Variants in NOTCH3 observed in about 807,000 individuals in gnomAD.
NOTCH3 encodes neurogenic locus notch homolog protein 3.
Under a neutral mutation model 213.3 loss-of-function variants are expected in NOTCH3, and 86 were observed. That is an observed-to-expected ratio of 0.40 (90% CI 0.34 to 0.48). The LOEUF (loss-of-function observed/expected upper bound fraction) is 0.48, where lower values mean the gene tolerates loss of function less well. Among genes scored for constraint, NOTCH3 ranks in the 20% least tolerant of loss-of-function variants. The pLI, the probability that NOTCH3 is intolerant of heterozygous loss-of-function variation, is 0.57. For missense variants in NOTCH3, 2,783 were observed against 3,272.6 expected, an observed-to-expected ratio of 0.85 and a Z score of 3.65; for synonymous variants, 1,354 against 1,355.9, an observed-to-expected ratio of 1.00 and a Z score of 0.03.
intron 24 of NOTCH3, among the ~76,000 whole-genome samples, chr19:15,175,305 TAC>T: frequency 7.0e-6 from 1 of 143,232 alleles, no homozygotes; most frequent in Admixed American, 6.9e-5. Flanking sequence ...GGCCAAGGTG[TAC>T]GGATAACCTG....
At chr19:15,176,664 G>A (rs1365510989) in intron 24 of NOTCH3, among the ~76,000 whole-genome samples, 1 of 149,812 alleles carries the variant, frequency 6.7e-6, no homozygotes, top group Non-Finnish European at 1.5e-5. Flanking sequence ...TAGGGAGGCT[G>A]AGGTGTGAGG....
At position 15,179,680 on chromosome 19, in the gene NOTCH3, G is replaced by A. The variant is rs141487988; in HGVS notation, c.3328-184C>T. On this transcript the variant is annotated intron_variant, in intron 20 of 32. Transcript: ENST00000263388. ...GCAGATCACCTGAGATCAGGAGTTC[G>A]AGACCAGCCTGGCCAACATGGTGAA... 6.5e-3 allele frequency: 4,322 copies of A among 662,904 alleles called. 23 individuals carry two copies. Among genetic ancestry groups the A allele is most frequent in the Middle Eastern group, 0.018 (49 of 2,778 alleles). 41.1% of individuals were successfully genotyped at this position (662,904 alleles called of 1,614,324 possible).
intron 20 of NOTCH3, 71 bp from the exon 21 acceptor site, chr19:15,179,567 A>G (rs1351738288): frequency 5.2e-6 from 8 of 1,532,418 alleles, no homozygotes; most frequent in Non-Finnish European, 6.3e-6. Context: ...ACCCATGAAG[A>G]CGCAAAGAAC....
chr19:15,192,197 G>T lies in NOTCH3; in HGVS notation c.442C>A (p.Pro148Thr). The T allele has an allele frequency of 6.2e-7, 1 of 1,612,010 alleles. No homozygotes were observed. Among genetic ancestry groups the T allele is most frequent in the South Asian group, 1.1e-5 (1 of 90,958 alleles). Residue 148 changes from proline to threonine, a missense_variant, in exon 4 of 33, where the codon CCT (proline) becomes ACT (threonine). By Grantham distance (38) the Pro-to-Thr change is conservative (BLOSUM62 -1). This residue lies in a region of NOTCH3 where 708 missense variants were observed against 906.6 expected (regional missense o/e 0.78). Coordinates refer to ENST00000263388, the MANE Select transcript of NOTCH3 (RefSeq NM_000435.3). ...CGGCAGCTGCGGCCCTGGTAGCCAGGTGGGCAGGAGCAGAGGAAGCGTCCA... is the reference window on the plus strand; with the variant it reads ...CGGCAGCTGCGGCCCTGGTAGCCAGTTGGGCAGGAGCAGAGGAAGCGTCCA... ...PDGRFLCSCP[P>T]GYQGRSCRSD... is the part of the protein sequence containing the mutation.
At chr19:15,198,199 C>G (rs1015190851) in intron 1 of NOTCH3, among the ~76,000 whole-genome samples, 1 of 152,216 alleles carries the variant, frequency 6.6e-6, no homozygotes, top group African/African-American at 2.4e-5. Flanking sequence ...TGTCCAACAT[C>G]GCCATCCCTA....
chr19:15,168,809 G>A (rs1283857385), intron 28 of NOTCH3, among the ~76,000 whole-genome samples: 1 of 151,982 alleles, frequency 6.6e-6, no homozygotes, highest in Non-Finnish European at 1.5e-5. Context: ...ACTCCAGCTT[G>A]GGCAACAGAG....
intron 24 of NOTCH3, 59 bp downstream of exon 24, chr19:15,177,466 G>A (rs2046801121): frequency 3.3e-6 from 5 of 1,510,078 alleles, no homozygotes; most frequent in Admixed American, 1.9e-5. Context: ...CAGGGCCCAC[G>A]GACAAACAGA....
At chr19:15,174,582 T>C (rs953375932) in intron 24 of NOTCH3, among the ~76,000 whole-genome samples, 182 bp from the exon 25 acceptor site, 1 of 152,034 alleles carries the variant, frequency 6.6e-6, no homozygotes, top group East Asian at 1.9e-4. Flanking sequence ...TTTTTTTTTT[T>C]TTTTTTTGAG....
intron 29 of NOTCH3, among the ~76,000 whole-genome samples, chr19:15,166,471 T>G (rs11672004): frequency 6.6e-6 from 1 of 151,828 alleles, no homozygotes; most frequent in African/African-American, 2.4e-5. Context: ...GGTTAGGAGC[T>G]GCCCCTTTCT....
At chr19:15,197,647 CCCCT>C (rs1206459396) in intron 1 of NOTCH3, 69 bp from the exon 2 acceptor site, 39 of 1,378,270 alleles carry the variant, frequency 2.8e-5, no homozygotes, top group Non-Finnish European at 3.7e-5. Flanking sequence ...AGTGACAAAC[CCCCT>C]CCCTCCCTCC....
At chr19:15,175,121 A>G (rs891968931) in intron 24 of NOTCH3, among the ~76,000 whole-genome samples, 4 of 152,212 alleles carry the variant, frequency 2.6e-5, no homozygotes, top group African/African-American at 9.7e-5. Context: ...TGCAGGCACA[A>G]GGATAAGGCC....
rs2145402362 is a variant in NOTCH3 at position 15,170,835 on chromosome 19, C to A, written c.4737-10G>T. On this transcript the variant is annotated splice_polypyrimidine_tract_variant and intron_variant, in intron 25 of 32. Transcript: ENST00000263388. ...CAGCATTACTACCGAGCTGCAGGGACAGCAGGGAGGGACCAGAGGGCTCAA... is the reference window on the plus strand; with the variant it reads ...CAGCATTACTACCGAGCTGCAGGGAAAGCAGGGAGGGACCAGAGGGCTCAA... The A allele has an allele frequency of 8.7e-6, 14 of 1,612,934 alleles. No individual in the cohort carries two copies. The highest frequency in any genetic ancestry group is 1.2e-5 in the Non-Finnish European group (14 of 1,179,884).
intron 1 of NOTCH3, among the ~76,000 whole-genome samples, chr19:15,199,747 C>A (rs1024056330): frequency 6.6e-6 from 1 of 152,160 alleles, no homozygotes; most frequent in Admixed American, 6.5e-5. Flanking sequence ...CCTGCCTGGT[C>A]CTGCCCCGTC....
intron 19 of NOTCH3, 34 bp downstream of exon 19, chr19:15,180,647 G>A: frequency 1.3e-6 from 2 of 1,542,518 alleles, no homozygotes; most frequent in East Asian, 2.4e-5. Context: ...CCCTTCCCAA[G>A]GCCCCACACG....
In NOTCH3 at chr19:15,170,765, G is replaced by C; in HGVS notation, c.4797C>G (p.His1599Gln). The C allele has an allele frequency of 6.2e-7, 1 of 1,612,868 alleles. No individual in the cohort carries two copies. Among genetic ancestry groups the C allele is most frequent in the Non-Finnish European group, 8.5e-7 (1 of 1,179,700 alleles). The change falls in exon 26 of 33, where the codon CAC (histidine) becomes CAG (glutamine). Residue 1599 changes from histidine (H) to glutamine (Q), a missense_variant. By Grantham distance (24) the His-to-Gln change is conservative. Around this residue, in one of 6 missense-constraint regions of NOTCH3, gnomAD observed 636 missense variants for 801.8 expected, o/e 0.79. Coordinates refer to ENST00000263388, the MANE Select transcript of NOTCH3 (RefSeq NM_000435.3). The part of the protein sequence containing the change: ...RLCLQSPEND[H>Q]CFPDAQSAAD... ...CGGCGCTCTGGGCATCGGGGAAGCA[G>C]TGATCATTCTCAGGCGACTGCAGGC...
rs1220167247 is a variant in NOTCH3, at chr19:15,172,979, T to TTCC, written c.4736+1086_4736+1088dup. Among the ~76,000 whole-genome samples the TTCC allele has an allele frequency of 5.3e-3, 714 of 135,454 alleles. 41 individuals carry two copies. Among genetic ancestry groups the TTCC allele is most frequent in the African/African-American group, 0.021 (686 of 33,360 alleles). 88.9% of individuals were successfully genotyped at this position (135,454 alleles called of 152,430 possible). On this transcript the variant is annotated intron_variant, in intron 25 of 32. Coordinates refer to ENST00000263388, the MANE Select transcript of NOTCH3 (RefSeq NM_000435.3). ...TCCTATTTCTTTCTTCTTCTTCCTC[T>TTCC]TCCTCCTCCTCCTCCCCCTCCCCCT... is the stretch of plus-strand genomic sequence containing the variant.
Position 15,170,074 on chromosome 19 carries a change from G to A in NOTCH3, c.5199+12C>T, listed in dbSNP as rs749152224. The A allele has an allele frequency of 6.5e-7, 1 of 1,536,866 alleles. No homozygotes were observed. Among genetic ancestry groups the A allele is most frequent in the Non-Finnish European group, 8.9e-7 (1 of 1,123,878 alleles). On this transcript the variant is annotated intron_variant, in intron 28 of 32. Transcript: ENST00000263388. The stretch of plus-strand genomic sequence containing the variant: ...TCAGAGGAGGGGGCAAAGGTCAGAG[G>A]GGGGGCAGTACCTTTAGCCGCTTGG...
In NOTCH3 at chr19:15,165,449, G is replaced by A. The variant is rs1453838221; in HGVS notation, c.5734C>T (p.Leu1912=). The change falls in exon 31 of 33, where the codon CTG becomes TTG. Residue 1912 remains leucine, a synonymous_variant. Transcript: ENST00000263388. This position sits in a 1 kb window ranked among gnomAD's most constrained non-coding sequence, Gnocchi z 4.7. ...RMADGSTALI[L]AARLAVEGMV... ...CCCTCTACTGCCAGGCGGGCCGCCA[G>A]GATCAGTGCCGTTGAGCCATCTGCC... 1 of 1,612,634 alleles carries A rather than the reference G, an allele frequency of 6.2e-7. No homozygotes were observed. The highest frequency in any genetic ancestry group is 1.3e-5 in the African/African-American group (1 of 74,936).
At chr19:15,197,447 C>CCCCCCCCCCCCCCCCCCA in intron 2 of NOTCH3, 53 bp downstream of exon 2, 1 of 707,588 alleles carries the variant, frequency 1.4e-6, no homozygotes. Context: ...AATCGCCCCT[C>CCCCCCCCCCCCCCCCCCA]CCCCCCGCCC....
Sources: gnomAD v4.1 joint callset for allele counts (sites outside exome capture counted in the v4.1 genomes callset) on GRCh38, gnomAD v4.1.1 for gene constraint, gnomAD v4.1.1 regional missense constraint, Gnocchi (gnomAD v3.1) non-coding constraint, MANE v1.5 for transcripts, NCBI Gene and HGNC (gene_info 2026-07-23, HGNC 2026-07-21) for gene names.